DSCAML1: variants seen among roughly 807,000 people sequenced by gnomAD.
DSCAML1 encodes DS cell adhesion molecule like 1, also known as cell adhesion molecule DSCAML1.
In DSCAML1, 38 loss-of-function variants were observed where a neutral mutation model predicts 200.5. That is an observed-to-expected ratio of 0.19 (90% CI 0.15 to 0.25). The LOEUF is 0.25. Among genes scored for constraint, DSCAML1 ranks in the 10% least tolerant of loss-of-function variants. The pLI is 1.00. For missense variants in DSCAML1, 2,223 were observed against 2,858.8 expected (o/e 0.78, Z 5.07); for synonymous variants, 1,215 against 1,165.0 (o/e 1.04, Z -0.87).
At chr11:117,667,320 G>A (rs553606570) in intron 3 of DSCAML1, among the ~76,000 whole-genome samples, 2 of 152,348 alleles carry the variant, frequency 1.3e-5, no homozygotes, top group Non-Finnish European at 2.9e-5. Flanking sequence ...GTTGAGGCAC[G>A]ATAATTGCTT....
At chr11:117,719,313 G>A (rs1362957829) in intron 3 of DSCAML1, among the ~76,000 whole-genome samples, 2 of 152,132 alleles carry the variant, frequency 1.3e-5, no homozygotes, top group African/African-American at 2.4e-5. Context: ...AATATAAGCC[G>A]GAGGTGATGG....
At chr11:117,646,339 G>A (rs1361783529) in intron 3 of DSCAML1, among the ~76,000 whole-genome samples, 1 of 152,096 alleles carries the variant, frequency 6.6e-6, no homozygotes, top group Non-Finnish European at 1.5e-5. Context: ...TCGAGATGGA[G>A]CCCTCACCCA....
At chr11:117,520,843 T>C (rs1223967489) in intron 6 of DSCAML1, among the ~76,000 whole-genome samples, 1 of 152,072 alleles carries the variant, frequency 6.6e-6, no homozygotes, top group East Asian at 1.9e-4. Flanking sequence ...GGTGGGAGGA[T>C]TGCTTGAGCC....
chr11:117,790,706 CA>C (rs2055446459), intron 1 of DSCAML1, among the ~76,000 whole-genome samples: 1 of 152,190 alleles, frequency 6.6e-6, no homozygotes, highest in South Asian at 2.1e-4. Context: ...TGCACATATA[CA>C]GTAACAACTG....
chr11:117,593,955 C>T (rs186355604), intron 3 of DSCAML1, among the ~76,000 whole-genome samples: 1 of 152,002 alleles, frequency 6.6e-6, no homozygotes. Context: ...CCTCGTGATC[C>T]GCCCGCCTCA....
At chr11:117,641,092 G>A (rs1373763576) in intron 3 of DSCAML1, among the ~76,000 whole-genome samples, 1 of 152,238 alleles carries the variant, frequency 6.6e-6, no homozygotes, top group African/African-American at 2.4e-5. Flanking sequence ...CCATCTGGCA[G>A]GGCAAGTTTG....
intron 3 of DSCAML1, among the ~76,000 whole-genome samples, chr11:117,765,191 A>G (rs1273036334): frequency 1.3e-5 from 2 of 152,102 alleles, no homozygotes; most frequent in African/African-American, 2.4e-5. Flanking sequence ...TGCCCTCCAT[A>G]CTGGGATGCA....
chr11:117,558,694 C>T (rs1345751298), intron 3 of DSCAML1, among the ~76,000 whole-genome samples: 2 of 152,122 alleles, frequency 1.3e-5, no homozygotes, highest in African/African-American at 2.4e-5. Flanking sequence ...GGCAGACTCG[C>T]GTCTTAAGAG....
chr11:117,608,100 G>A (rs912520015), intron 3 of DSCAML1, among the ~76,000 whole-genome samples: 15 of 152,198 alleles, frequency 9.9e-5, no homozygotes, highest in African/African-American at 3.1e-4. Flanking sequence ...ATTGTGTAAG[G>A]ACACTGGGCC....
intron 3 of DSCAML1, among the ~76,000 whole-genome samples, chr11:117,666,971 G>A (rs1239004421): frequency 6.6e-6 from 1 of 152,160 alleles, no homozygotes; most frequent in Non-Finnish European, 1.5e-5. Context: ...TGTCAGGTGG[G>A]CAGTCAGCAG....
At chr11:117,770,841 A>G (rs2055025567) in intron 3 of DSCAML1, among the ~76,000 whole-genome samples, 2 of 152,192 alleles carry the variant, frequency 1.3e-5, no homozygotes, top group South Asian at 4.1e-4. Flanking sequence ...GTAGTATTTG[A>G]ACCAGACTTT....
At chr11:117,814,233 T>C (rs2055784190) in intron 1 of DSCAML1, among the ~76,000 whole-genome samples, 1 of 152,006 alleles carries the variant, frequency 6.6e-6, no homozygotes, top group African/African-American at 2.4e-5. Context: ...TCGCTGACTC[T>C]CTTTTTGGAC....
intron 3 of DSCAML1, among the ~76,000 whole-genome samples, chr11:117,722,776 CA>C (rs1248425189): frequency 6.6e-6 from 1 of 152,168 alleles, no homozygotes; most frequent in African/African-American, 2.4e-5. Context: ...GAGGTGTAGA[CA>C]ACCAAACTCC....
At chr11:117,447,105 A>T (rs1430843360) in intron 20 of DSCAML1, among the ~76,000 whole-genome samples, 2 of 152,190 alleles carry the variant, frequency 1.3e-5, no homozygotes, top group South Asian at 2.1e-4. Context: ...CCTGGCCAAC[A>T]TGGTGAAACC....
intron 20 of DSCAML1, 82 bp downstream of exon 20, chr11:117,450,467 T>G (rs1592596643): frequency 1.3e-6 from 2 of 1,539,422 alleles, no homozygotes; most frequent in Non-Finnish European, 1.8e-6. Context: ...AGCCTCAGGG[T>G]TTGGCCTGGA....
At chr11:117,448,072 TGAA>T (rs2048215355) in intron 20 of DSCAML1, among the ~76,000 whole-genome samples, 1 of 151,974 alleles carries the variant, frequency 6.6e-6, no homozygotes, top group Non-Finnish European at 1.5e-5. Flanking sequence ...TCGCAAGACA[TGAA>T]GAAGATGGAG....
Position 117,505,151 on chromosome 11 carries a change from A to G in DSCAML1, c.2063-108T>C. Reference sequence around the variant, plus strand: ...GTCAGCCCTGCCCGGGCCATTATAAAGTTGGAAGCGGGCAGTTTCTGAAAC... The same window carrying G: ...GTCAGCCCTGCCCGGGCCATTATAAGGTTGGAAGCGGGCAGTTTCTGAAAC... On this transcript the variant is annotated intron_variant, in intron 9 of 32. Transcript: ENST00000651296. This position sits in a 1 kb window ranked among gnomAD's most constrained non-coding sequence, Gnocchi z 6.7. 4 of 1,487,102 alleles carry G rather than the reference A, an allele frequency of 2.7e-6. No homozygotes were observed. The highest frequency in any genetic ancestry group is 3.6e-6 in the Non-Finnish European group (4 of 1,107,476). 92.1% of individuals were successfully genotyped at this position (1,487,102 alleles called of 1,614,324 possible).
chr11:117,577,445 CTTCCTTCCTTCCT>C (rs1443709081), intron 3 of DSCAML1, among the ~76,000 whole-genome samples: 1 of 74,754 alleles, frequency 1.3e-5, no homozygotes, highest in Non-Finnish European at 2.9e-5. Context: ...TCTTTCCTTC[CTTCCTTCCTTCCT>C]TTCCTTCCTT....
chr11:117,815,433 G>A (rs572743881), intron 1 of DSCAML1, among the ~76,000 whole-genome samples: 1 of 152,298 alleles, frequency 6.6e-6, no homozygotes, highest in South Asian at 2.1e-4. Flanking sequence ...GCACTGAGCT[G>A]CAGGCAGGGC....
Sources: allele counts gnomAD v4.1 joint callset (sites outside exome capture counted in the v4.1 genomes callset), GRCh38; gene constraint gnomAD v4.1.1; non-coding constraint Gnocchi (gnomAD v3.1); transcripts MANE v1.5; gene names NCBI Gene and HGNC (gene_info 2026-07-23, HGNC 2026-07-21).